SLC10A7: variants seen among roughly 807,000 people sequenced by gnomAD.
SLC10A7 encodes sodium/bile acid cotransporter 7.
SLC10A7 carries 29 observed loss-of-function variants against 43.2 expected under a neutral mutation model. That is an observed-to-expected ratio of 0.67 (90% CI 0.50 to 0.92). SLC10A7 has a LOEUF of 0.92. Among genes scored for constraint, SLC10A7 ranks in the 40% least tolerant of loss-of-function variants. The pLI, the probability that SLC10A7 is intolerant of heterozygous loss-of-function variation, is 0.00. For missense variants in SLC10A7, 295 were observed against 403.2 expected, an observed-to-expected ratio of 0.73 and a Z score of 2.30; for synonymous variants, 152 against 144.8, an observed-to-expected ratio of 1.05 and a Z score of -0.35.
rs546980112 is a variant in SLC10A7, at chr4:146,464,521, T to C, written c.397-21700A>G. The stretch of plus-strand genomic sequence containing the variant: ...TTATTAAATAGTGATTGCAGAACAT[T>C]GTATGTGACTAAGAGAAGTCACAAT... On this transcript the variant is annotated intron_variant, in intron 4 of 11. Coordinates refer to ENST00000335472, the MANE Select transcript of SLC10A7 (RefSeq NM_001029998.6). Among the ~76,000 whole-genome samples the C allele has an allele frequency of 8.1e-4, 124 of 152,234 alleles. No individual in the cohort carries two copies. The South Asian group carries it at 0.015, about 18-fold the overall frequency.
At chr4:146,369,385 G>T (rs914216357) in intron 5 of SLC10A7, among the ~76,000 whole-genome samples, 1 of 152,128 alleles carries the variant, frequency 6.6e-6, no homozygotes, top group Non-Finnish European at 1.5e-5. Flanking sequence ...GGAACTATTG[G>T]TTAACATTAT....
intron 5 of SLC10A7, among the ~76,000 whole-genome samples, chr4:146,383,800 A>G (rs2630295): frequency 0.25 from 38,476 of 152,092 alleles, 5,572 homozygotes; most frequent in African/African-American, 0.4. Flanking sequence ...ATCTGTGCTC[A>G]TTGATGATGA....
At chr4:146,326,138 C>T in intron 5 of SLC10A7, 142 bp from the exon 6 acceptor site, 2 of 663,054 alleles carry the variant, frequency 3.0e-6, no homozygotes, top group Non-Finnish European at 5.2e-6. Flanking sequence ...AGGGGAGAGT[C>T]CCAATCTTAG....
At chr4:146,306,106 C>T (rs1186687997) in intron 6 of SLC10A7, 97 bp from the exon 7 acceptor site, 2 of 971,382 alleles carry the variant, frequency 2.1e-6, no homozygotes, top group Non-Finnish European at 2.8e-6. Flanking sequence ...CTCAGGCGCA[C>T]CAAAAATTTG....
chr4:146,287,868 G>A (rs538249082), intron 9 of SLC10A7, among the ~76,000 whole-genome samples: 6 of 152,008 alleles, frequency 3.9e-5, no homozygotes, highest in Non-Finnish European at 5.9e-5. Flanking sequence ...AACTGTGTTC[G>A]GCTTGATATC....
chr4:146,310,603 T>C (rs1415057458), intron 6 of SLC10A7, among the ~76,000 whole-genome samples: 1 of 152,176 alleles, frequency 6.6e-6, no homozygotes, highest in Non-Finnish European at 1.5e-5. Context: ...CCTATATTTG[T>C]TGGCCACTTG....
At chr4:146,336,461 T>C (rs528088511) in intron 5 of SLC10A7, among the ~76,000 whole-genome samples, 48 of 152,206 alleles carry the variant, frequency 3.2e-4, no homozygotes, top group African/African-American at 1.1e-3. Flanking sequence ...TAGTTAATAG[T>C]GTGTACAATC....
chr4:146,503,644 G>T (rs1011922172), intron 4 of SLC10A7, among the ~76,000 whole-genome samples: 1 of 152,084 alleles, frequency 6.6e-6, no homozygotes, highest in Non-Finnish European at 1.5e-5. Flanking sequence ...CATTTCCCTT[G>T]CTCTTCTCTT....
In SLC10A7 at chr4:146,463,506, C is replaced by T. The variant is rs185879721; in HGVS notation, c.397-20685G>A. 7.9e-4 allele frequency among the ~76,000 whole-genome samples: 120 copies of T among 152,092 alleles called. 1 individual carries two copies. The East Asian group carries it at 0.021, about 27-fold the overall frequency. ...CTGTAATCCCAGCACTTTGGGAGGC[C>T]GAGGTAGGAGGATTTTTTGAGGCCA... On this transcript the variant is annotated intron_variant, in intron 4 of 11. Coordinates refer to ENST00000335472, the MANE Select transcript of SLC10A7 (RefSeq NM_001029998.6).
chr4:146,294,756 C>T (rs762763510), intron 7 of SLC10A7, among the ~76,000 whole-genome samples: 10 of 152,148 alleles, frequency 6.6e-5, no homozygotes, highest in Non-Finnish European at 1.2e-4. Flanking sequence ...ATAAACCTGT[C>T]CTAACTCTCC....
intron 5 of SLC10A7, among the ~76,000 whole-genome samples, chr4:146,356,147 G>A (rs1366197058): frequency 6.7e-6 from 1 of 149,940 alleles, no homozygotes. Flanking sequence ...TCATATTTTG[G>A]CTCTCATGCA....
intron 5 of SLC10A7, among the ~76,000 whole-genome samples, chr4:146,348,060 T>C (rs1734748773): frequency 6.6e-6 from 1 of 152,212 alleles, no homozygotes; most frequent in Non-Finnish European, 1.5e-5. Flanking sequence ...TACAAATTCA[T>C]TTCTTATATA....
intron 9 of SLC10A7, among the ~76,000 whole-genome samples, chr4:146,284,469 A>G (rs1241523453): frequency 2.0e-5 from 3 of 150,632 alleles, no homozygotes; most frequent in South Asian, 4.2e-4. Context: ...GGGTTCCCCC[A>G]TCACCCCACC....
At chr4:146,388,161 G>A (rs975090295) in intron 5 of SLC10A7, among the ~76,000 whole-genome samples, 1 of 152,094 alleles carries the variant, frequency 6.6e-6, no homozygotes, top group Non-Finnish European at 1.5e-5. Flanking sequence ...CAAATTATCT[G>A]ATATCAATTT....
rs1463729304 is a variant in SLC10A7, at chr4:146,286,082, C to T, written c.774-2817G>A. Among the ~76,000 whole-genome samples the T allele has an allele frequency of 7.6e-5, 5 of 65,418 alleles. No homozygotes were observed. In the East Asian group the frequency reaches 1.8e-3, roughly 23 times the overall value. The allele number at this position is 65,418 out of a possible 152,430, so 42.9% of individuals were successfully genotyped here. A position where few individuals can be genotyped will look rare whatever the true frequency, so the allele number is the denominator to read the frequency against. ...ACTGTGTTTGGAGTGGTGAGAAGGA[C>T]TCTGGAGTGGTGAGAAGGACTGAGT... is the stretch of plus-strand genomic sequence containing the variant. On this transcript the variant is annotated intron_variant, in intron 9 of 11. Coordinates refer to ENST00000335472, the MANE Select transcript of SLC10A7 (RefSeq NM_001029998.6).
At chr4:146,269,459 C>G (rs1728766025) in intron 10 of SLC10A7, among the ~76,000 whole-genome samples, 1 of 152,180 alleles carries the variant, frequency 6.6e-6, no homozygotes, top group African/African-American at 2.4e-5. Flanking sequence ...TTACTTTTTC[C>G]TTTTCTAGGC....
At chr4:146,349,414 T>A (rs1043829283) in intron 5 of SLC10A7, among the ~76,000 whole-genome samples, 1 of 152,190 alleles carries the variant, frequency 6.6e-6, no homozygotes, top group African/African-American at 2.4e-5. Flanking sequence ...TTGGTGGGAA[T>A]GTAAATTATT....
chr4:146,326,917 GACACACACAC>G lies in SLC10A7; in HGVS notation c.436-931_436-922del, dbSNP rs71640636. ...GCCTAAGACAGAAAAGAGAGGGACA[GACACACACAC>G]ACACACACACACACACACACACACA... On this transcript the variant is annotated intron_variant, in intron 5 of 11. Transcript: ENST00000335472. Among the ~76,000 whole-genome samples, 955 of 147,160 alleles carry G rather than the reference GACACACACAC, an allele frequency of 6.5e-3. 10 individuals carry two copies. The highest frequency in any genetic ancestry group is 0.016 in the South Asian group (72 of 4,624).
At position 146,322,065 on chromosome 4, in the gene SLC10A7, T is replaced by G. The variant is rs553301015; in HGVS notation, c.471+3896A>C. ...TTGGCAAGTCTTTCATTATTGTAGC[T>G]CTATAATTTTAGAATGTTGAACATT... On this transcript the variant is annotated intron_variant, in intron 6 of 11. Coordinates refer to ENST00000335472, the MANE Select transcript of SLC10A7 (RefSeq NM_001029998.6). 2.7e-3 allele frequency among the ~76,000 whole-genome samples: 407 copies of G among 152,208 alleles called. 1 individual carries two copies. The highest frequency in any genetic ancestry group is 9.2e-3 in the African/African-American group (382 of 41,538).
Sources: gnomAD v4.1 joint callset for allele counts (sites outside exome capture counted in the v4.1 genomes callset) on GRCh38, gnomAD v4.1.1 for gene constraint, MANE v1.5 for transcripts, NCBI Gene and HGNC (gene_info 2026-07-23, HGNC 2026-07-21) for gene names.